PLD1: variants seen among roughly 807,000 people sequenced by gnomAD.
The protein encoded by PLD1 is phospholipase D1, also known as choline phosphatase 1.
PLD1 carries 112 observed loss-of-function variants against 137.1 expected under a neutral mutation model. That is an observed-to-expected ratio of 0.82 (90% CI 0.70 to 0.96). The LOEUF (loss-of-function observed/expected upper bound fraction) is 0.96, where lower values mean the gene tolerates loss of function less well. Among genes scored for constraint, PLD1 ranks in the 40% least tolerant of loss-of-function variants. The probability of loss-of-function intolerance (pLI) is 0.00; values close to 1 mark genes in which losing one functional copy is unlikely to be tolerated. For synonymous variants in PLD1, 431 were observed against 454.7 expected (o/e 0.95, Z 0.66); for missense variants, 1,321 against 1,342.0 (o/e 0.98, Z 0.24).
chr3:171,775,602 G>C (rs900314451), intron 1 of PLD1, among the ~76,000 whole-genome samples: 1 of 152,118 alleles, frequency 6.6e-6, no homozygotes, highest in African/African-American at 2.4e-5. Flanking sequence ...CAGCACTTTG[G>C]GAGGCTGAGA....
chr3:171,722,297 A>T (rs75975816), intron 8 of PLD1, among the ~76,000 whole-genome samples: 1 of 152,324 alleles, frequency 6.6e-6, no homozygotes, highest in East Asian at 1.9e-4. Context: ...TTTCAGAAAT[A>T]TAAGTGTAAA....
intron 21 of PLD1, among the ~76,000 whole-genome samples, chr3:171,658,472 T>C (rs1319051124): frequency 1.3e-5 from 2 of 152,008 alleles, no homozygotes; most frequent in African/African-American, 4.8e-5. Context: ...TATCTGGCAA[T>C]AAAAAGAAAT....
chr3:171,630,815 G>A (rs527968276), intron 23 of PLD1, among the ~76,000 whole-genome samples: 4 of 140,650 alleles, frequency 2.8e-5, no homozygotes, highest in East Asian at 2.1e-4. Flanking sequence ...ACTGAACAAT[G>A]AGAACACACG....
At chr3:171,707,868 G>A (rs1048917159) in intron 11 of PLD1, among the ~76,000 whole-genome samples, 3 of 152,264 alleles carry the variant, frequency 2.0e-5, no homozygotes, top group Non-Finnish European at 2.9e-5. Flanking sequence ...CCAGACAACC[G>A]AAGCAAAAGA....
chr3:171,673,478 C>T (rs1354472561), intron 19 of PLD1, among the ~76,000 whole-genome samples: 1 of 151,946 alleles, frequency 6.6e-6, no homozygotes, highest in African/African-American at 2.4e-5. Flanking sequence ...ACAGGGTTGG[C>T]CAGGCTGGTC....
chr3:171,730,732 G>A (rs1379586941), intron 6 of PLD1, among the ~76,000 whole-genome samples: 5 of 147,754 alleles, frequency 3.4e-5, no homozygotes, highest in African/African-American at 1.0e-4. Flanking sequence ...TCCGCCTCCC[G>A]GGTTCAAGCG....
At chr3:171,704,921 C>T (rs73041829) in intron 11 of PLD1, among the ~76,000 whole-genome samples, 5,394 of 152,222 alleles carry the variant, frequency 0.035, 258 homozygotes, top group African/African-American at 0.11. Context: ...TCATAAGGAG[C>T]GGGCAGCCTA....
In PLD1 at chr3:171,726,060, A is replaced by G; in HGVS notation, c.623T>C (p.Ile208Thr). 6.2e-7 allele frequency: 1 copy of G among 1,612,406 alleles called. No homozygotes were observed. The highest frequency in any genetic ancestry group is 1.1e-5 in the South Asian group (1 of 91,046). The change falls in exon 7 of 27, where the codon ATA (isoleucine) becomes ACA (threonine). Residue 208 changes from isoleucine (I) to threonine (T), a missense_variant. By Grantham distance (89) the Ile-to-Thr change is moderately conservative. Coordinates refer to ENST00000351298, the MANE Select transcript of PLD1 (RefSeq NM_002662.5). ...ATCATGGATGAAAGACAGCTGGCTT[A>G]TATCAAGAAACTCTGTCTGAAAAGA... Reference protein sequence around the residue: ...NYHATTEFLDISQLSFIHDLG... With the variant: ...NYHATTEFLDTSQLSFIHDLG...
At chr3:171,764,501 A>C (rs1285572681) in intron 1 of PLD1, among the ~76,000 whole-genome samples, 1 of 152,162 alleles carries the variant, frequency 6.6e-6, no homozygotes, top group Non-Finnish European at 1.5e-5. Context: ...GATCTAACCC[A>C]GTAATTTTGC....
intron 21 of PLD1, among the ~76,000 whole-genome samples, chr3:171,651,837 T>C (rs562769382): frequency 6.6e-6 from 1 of 152,252 alleles, no homozygotes; most frequent in South Asian, 2.1e-4. Flanking sequence ...CATTTTTAAG[T>C]CTCCTTCTTC....
intron 1 of PLD1, among the ~76,000 whole-genome samples, chr3:171,787,202 C>G (rs79210705): frequency 3.3e-5 from 5 of 152,256 alleles, no homozygotes; most frequent in Non-Finnish European, 7.4e-5. Context: ...GTCTCTCAGG[C>G]TACATGCCTG....
intron 23 of PLD1, among the ~76,000 whole-genome samples, chr3:171,629,250 C>G (rs1196365387): frequency 1.3e-5 from 2 of 152,124 alleles, no homozygotes; most frequent in Non-Finnish European, 2.9e-5. Flanking sequence ...CATGAGTGAA[C>G]TCCCATTCAC....
Position 171,662,188 on chromosome 3 carries a change from G to A in PLD1, c.2230-18C>T, listed in dbSNP as rs1409811892. 2 of 1,430,884 alleles carry A rather than the reference G, an allele frequency of 1.4e-6. No homozygotes were observed. The highest frequency in any genetic ancestry group is 2.0e-6 in the Non-Finnish European group (2 of 1,014,910). 88.6% of individuals were successfully genotyped at this position (1,430,884 alleles called of 1,614,324 possible). On this transcript the variant is annotated intron_variant, in intron 19 of 26. Coordinates refer to ENST00000351298, the MANE Select transcript of PLD1 (RefSeq NM_002662.5). ...CGGAGCAACTACAAGGCAGCAATCA[G>A]AAATGAACAAGTATTAGCAATGGAG...
chr3:171,754,120 T>C (rs1281796689), intron 1 of PLD1, among the ~76,000 whole-genome samples: 1 of 152,162 alleles, frequency 6.6e-6, no homozygotes, highest in Non-Finnish European at 1.5e-5. Flanking sequence ...TTGAGTACAC[T>C]CCTTTCCACT....
At position 171,683,402 on chromosome 3, in the gene PLD1, C is replaced by T. The variant is rs1291869765; in HGVS notation, c.1867+3283G>A. Among the ~76,000 whole-genome samples the T allele has an allele frequency of 2.0e-5, 3 of 152,146 alleles. No homozygotes were observed. In the East Asian group the frequency reaches 5.8e-4, roughly 29 times the overall value. The stretch of plus-strand genomic sequence containing the variant: ...CTGCAAGACCTCACATAACCCACCC[C>T]AGCCCACCTCTCTGATTTTGTTCTT... On this transcript the variant is annotated intron_variant, in intron 16 of 26. Coordinates refer to ENST00000351298, the MANE Select transcript of PLD1 (RefSeq NM_002662.5).
intron 7 of PLD1, among the ~76,000 whole-genome samples, chr3:171,725,270 C>T (rs1311134702): frequency 6.6e-6 from 1 of 152,168 alleles, no homozygotes; most frequent in Non-Finnish European, 1.5e-5. Flanking sequence ...AGACTCCATG[C>T]ATTTCCACAT....
chr3:171,698,723 C>T (rs1715974097), intron 12 of PLD1, among the ~76,000 whole-genome samples: 2 of 150,968 alleles, frequency 1.3e-5, no homozygotes, highest in Admixed American at 6.6e-5. Context: ...TTTGGGAAGC[C>T]GAGGTGGGCA....
chr3:171,646,675 C>T (rs200108316), intron 21 of PLD1, among the ~76,000 whole-genome samples: 1 of 89,520 alleles, frequency 1.1e-5, no homozygotes, highest in Non-Finnish European at 2.5e-5. Flanking sequence ...AAAGAACAGA[C>T]AAAAAAAAAA....
chr3:171,708,750 C>T lies in PLD1; in HGVS notation c.1145+5G>A, dbSNP rs764321813. On this transcript the variant is annotated splice_donor_5th_base_variant and intron_variant, in intron 11 of 26. Coordinates refer to ENST00000351298, the MANE Select transcript of PLD1 (RefSeq NM_002662.5). ...AGAAAAAAATTCCCAGGGACAAATA[C>T]TAACCACCAGTCTGTGATAAAAATC... The T allele has an allele frequency of 1.6e-5, 25 of 1,530,300 alleles. No homozygotes were observed. The highest frequency in any genetic ancestry group is 2.3e-5 in the Non-Finnish European group (25 of 1,103,666). The allele number at this position is 1,530,300 out of a possible 1,614,324, so 94.8% of individuals were successfully genotyped here.
Sources: allele counts gnomAD v4.1 joint callset (sites outside exome capture counted in the v4.1 genomes callset), GRCh38; gene constraint gnomAD v4.1.1; transcripts MANE v1.5; gene names NCBI Gene and HGNC (gene_info 2026-07-23, HGNC 2026-07-21).